TRAF3: variants seen among roughly 807,000 people sequenced by gnomAD.
TRAF3 encodes the protein TNF receptor-associated factor 3.
TRAF3 carries 13 observed loss-of-function variants against 62.3 expected under a neutral mutation model. The ratio of observed to expected loss-of-function variants is 0.21; its 90% CI spans 0.14 to 0.33. TRAF3 has a LOEUF of 0.33. TRAF3 is among the 10% of genes least tolerant of loss of function. The pLI is 1.00. For synonymous variants in TRAF3, 269 were observed against 283.4 expected (o/e 0.95, Z 0.51); for missense variants, 440 against 741.8 (o/e 0.59, Z 4.73).
chr14:102,849,278 C>T (rs765150690), intron 2 of TRAF3, among the ~76,000 whole-genome samples: 19 of 152,184 alleles, frequency 1.2e-4, no homozygotes, highest in Admixed American at 2.6e-4. Flanking sequence ...GGGCTCCAGC[C>T]CCATGTGGCA....
chr14:102,802,874 A>C (rs906712332), intron 1 of TRAF3, among the ~76,000 whole-genome samples: 2 of 152,126 alleles, frequency 1.3e-5, no homozygotes, highest in Admixed American at 1.3e-4. Context: ...ATATAAAGAA[A>C]AGAGGTTTAA....
chr14:102,822,473 G>A (rs1404639722), intron 1 of TRAF3, among the ~76,000 whole-genome samples: 2 of 152,166 alleles, frequency 1.3e-5, no homozygotes, highest in Admixed American at 6.5e-5. Flanking sequence ...TTGAAATGCA[G>A]TATCATAAAA....
chr14:102,825,694 A>T (rs987825191), intron 1 of TRAF3, among the ~76,000 whole-genome samples: 1 of 152,238 alleles, frequency 6.6e-6, no homozygotes, highest in African/African-American at 2.4e-5. Flanking sequence ...CCACCACTGG[A>T]GGCTGGTGAG....
intron 2 of TRAF3, among the ~76,000 whole-genome samples, chr14:102,868,266 A>G (rs1888121751): frequency 6.6e-6 from 1 of 152,060 alleles, no homozygotes. Context: ...GAGGTGGGAA[A>G]CTCTACACAA....
chr14:102,834,870 A>G (rs182581951), intron 2 of TRAF3, among the ~76,000 whole-genome samples: 113 of 150,968 alleles, frequency 7.5e-4, no homozygotes, highest in Non-Finnish European at 1.4e-3. Context: ...CACAAAAAGC[A>G]ATTGCAACAA....
Position 102,909,692 on chromosome 14 carries a change from C to T in TRAF3, c.*3908C>T, listed in dbSNP as rs1890764443. ...TTCCCCATGACCCCGTGTGGCCCAG[C>T]TCGGTGAGGATGCAGTTCTAGGCAC... is the stretch of plus-strand genomic sequence containing the variant. On this transcript the variant is annotated 3_prime_UTR_variant, in exon 12 of 12. Transcript: ENST00000392745. 6.6e-6 allele frequency: 1 copy of T among 152,382 alleles called. No individual in the cohort carries two copies. Among genetic ancestry groups the T allele is most frequent in the South Asian group, 2.1e-4 (1 of 4,832 alleles). 9.4% of individuals were successfully genotyped at this position (152,382 alleles called of 1,614,324 possible).
At chr14:102,855,985 G>A (rs149483437) in intron 2 of TRAF3, among the ~76,000 whole-genome samples, 2,817 of 151,444 alleles carry the variant, frequency 0.019, 34 homozygotes, top group African/African-American at 0.022. Flanking sequence ...CCAGGTATTC[G>A]GGAGGCTGAG....
At chr14:102,832,319 A>G (rs780106924) in intron 2 of TRAF3, among the ~76,000 whole-genome samples, 2 of 152,226 alleles carry the variant, frequency 1.3e-5, no homozygotes, top group East Asian at 1.9e-4. Flanking sequence ...GAAGAAAAGT[A>G]TCTTTTTAAC....
intron 5 of TRAF3, among the ~76,000 whole-genome samples, 175 bp downstream of exon 5, chr14:102,875,903 T>C (rs1448273897): frequency 6.6e-6 from 1 of 152,210 alleles, no homozygotes; most frequent in East Asian, 1.9e-4. Flanking sequence ...TTGTTATTTT[T>C]ATGACATCAT....
At chr14:102,779,436 A>G (rs1241095760) in intron 1 of TRAF3, among the ~76,000 whole-genome samples, 3 of 152,122 alleles carry the variant, frequency 2.0e-5, no homozygotes, top group Non-Finnish European at 4.4e-5. Flanking sequence ...AACAGGCAGT[A>G]ACAGTGGCCA....
At chr14:102,889,509 C>T in intron 7 of TRAF3, 51 bp from the exon 8 acceptor site, 1 of 1,585,702 alleles carries the variant, frequency 6.3e-7, no homozygotes, top group Admixed American at 1.7e-5. Context: ...TATGTTTGAA[C>T]ATTTTCATGC....
chr14:102,781,362 C>T (rs1897265799), intron 1 of TRAF3, among the ~76,000 whole-genome samples: 1 of 152,136 alleles, frequency 6.6e-6, no homozygotes, highest in Admixed American at 6.6e-5. Context: ...GTGGGTCATG[C>T]ATACTGTACT....
chr14:102,845,187 T>C (rs560003499), intron 2 of TRAF3, among the ~76,000 whole-genome samples: 50 of 148,860 alleles, frequency 3.4e-4, no homozygotes, highest in South Asian at 4.2e-4. Flanking sequence ...TGAGCCACCA[T>C]GCCCGGCCCT....
intron 4 of TRAF3, among the ~76,000 whole-genome samples, chr14:102,872,187 A>G (rs1888379990): frequency 6.6e-6 from 1 of 152,188 alleles, no homozygotes; most frequent in South Asian, 2.1e-4. Flanking sequence ...TCTGTGAGCT[A>G]CTTCACCCCC....
intron 1 of TRAF3, among the ~76,000 whole-genome samples, chr14:102,812,645 CGT>C (rs1899256034): frequency 3.9e-5 from 6 of 152,094 alleles, no homozygotes; most frequent in Non-Finnish European, 7.4e-5. Flanking sequence ...TCAGGCCGGG[CGT>C]GGTGGCTCAC....
At chr14:102,879,658 TTTTTGCCATTAAAAGTA>T (rs1888931088) in intron 6 of TRAF3, among the ~76,000 whole-genome samples, 1 of 151,630 alleles carries the variant, frequency 6.6e-6, no homozygotes, top group Non-Finnish European at 1.5e-5. Flanking sequence ...GTAATTGCGT[TTTTTGCCATTAAAAGTA>T]ATGGCAAAAA....
intron 2 of TRAF3, among the ~76,000 whole-genome samples, chr14:102,857,947 G>A (rs543425195): frequency 1.3e-5 from 2 of 152,280 alleles, no homozygotes; most frequent in African/African-American, 4.8e-5. Flanking sequence ...GTTCACAGGA[G>A]TATACTTTAC....
intron 2 of TRAF3, among the ~76,000 whole-genome samples, chr14:102,855,111 TACTC>T (rs1188265418): frequency 3.3e-5 from 5 of 152,218 alleles, no homozygotes; most frequent in African/African-American, 9.7e-5. Context: ...GCTTCTGACT[TACTC>T]ACTTAGCATG....
intron 1 of TRAF3, among the ~76,000 whole-genome samples, chr14:102,778,784 C>T (rs1566731455): frequency 6.6e-6 from 1 of 152,228 alleles, no homozygotes; most frequent in South Asian, 2.1e-4. Context: ...TTGCTGTTAC[C>T]CTGTATTTGT....
Sources: allele counts gnomAD v4.1 joint callset (sites outside exome capture counted in the v4.1 genomes callset), GRCh38; gene constraint gnomAD v4.1.1; transcripts MANE v1.5; gene names NCBI Gene and HGNC (gene_info 2026-07-23, HGNC 2026-07-21).